The following DAGLB variants were observed in gnomAD, a reference collection of about 807,000 sequenced individuals.
The protein encoded by DAGLB is diacylglycerol lipase-beta.
DAGLB carries 66 observed loss-of-function variants against 72.1 expected under a neutral mutation model. That is an observed-to-expected ratio of 0.92 (90% confidence interval 0.75 to 1.12). The LOEUF is 1.12. Ranked by LOEUF, DAGLB falls within the 50% of genes most tolerant of loss-of-function variation. The pLI, the probability that DAGLB is intolerant of heterozygous loss-of-function variation, is 0.00. For synonymous variants in DAGLB, 414 were observed against 359.5 expected, an observed-to-expected ratio of 1.15 and a Z score of -1.71; for missense variants, 1,065 against 884.9, an observed-to-expected ratio of 1.20 and a Z score of -2.58.
intron 9 of DAGLB, among the ~76,000 whole-genome samples, chr7:6,420,935 G>A (rs182892673): frequency 2.6e-5 from 4 of 152,326 alleles, no homozygotes; most frequent in Non-Finnish European, 5.9e-5. Context: ...CCTGCCTCCT[G>A]AGACCCTGGT....
Position 6,436,469 on chromosome 7 carries a change from C to A in DAGLB, c.312G>T (p.Leu104=). The change falls in exon 3 of 15, where the codon CTG becomes CTT. Residue 104 remains leucine (L), a synonymous_variant. Coordinates refer to ENST00000297056, the MANE Select transcript of DAGLB (RefSeq NM_139179.4). The stretch of plus-strand genomic sequence containing the variant: ...AGGCCCAGACCATCTCTGGAAAAAA[C>A]AGCGCCAGGCGGATGTAAAGCAGCT... ...MSKLLYIRLA[L]FFPEMVWASL... The A allele has an allele frequency of 6.2e-7, 1 of 1,614,164 alleles. No individual in the cohort carries two copies. Among genetic ancestry groups the A allele is most frequent in the African/African-American group, 1.3e-5 (1 of 75,062 alleles).
chr7:6,427,961 A>G (rs779798240), intron 6 of DAGLB, among the ~76,000 whole-genome samples: 1 of 152,216 alleles, frequency 6.6e-6, no homozygotes, highest in Non-Finnish European at 1.5e-5. Context: ...TTAAGAATCT[A>G]TAAATCCATA....
At chr7:6,427,103 G>A (rs1459274860) in intron 6 of DAGLB, among the ~76,000 whole-genome samples, 2 of 151,986 alleles carry the variant, frequency 1.3e-5, no homozygotes, top group Non-Finnish European at 2.9e-5. Context: ...GTGAGACTCC[G>A]TCTCAAAAAA....
chr7:6,419,940 C>T (rs1002984318), intron 9 of DAGLB, among the ~76,000 whole-genome samples: 1 of 152,116 alleles, frequency 6.6e-6, no homozygotes. Context: ...CCAGGAGATT[C>T]AAGACCAGTC....
At chr7:6,430,250 C>CATATATATATATATATATATATATAT (rs57374634) in intron 6 of DAGLB, among the ~76,000 whole-genome samples, 52 of 45,742 alleles carry the variant, frequency 1.1e-3, no homozygotes, top group East Asian at 2.4e-3. Context: ...AATACATGTG[C>CATATATATATATATATATATATATAT]ATATATATAT....
intron 6 of DAGLB, 58 bp downstream of exon 6, chr7:6,430,422 A>G (rs1784449639): frequency 1.4e-6 from 2 of 1,416,118 alleles, no homozygotes; most frequent in South Asian, 3.6e-5. Context: ...AATATCTCAA[A>G]ATAGCTTTTT....
At chr7:6,438,566 G>C (rs1204914520) in intron 2 of DAGLB, among the ~76,000 whole-genome samples, 1 of 151,866 alleles carries the variant, frequency 6.6e-6, no homozygotes, top group East Asian at 1.9e-4. Flanking sequence ...ACAGGAAACA[G>C]TATCTGCATA....
At chr7:6,447,114 C>G (rs557581718) in intron 1 of DAGLB, among the ~76,000 whole-genome samples, 1 of 152,210 alleles carries the variant, frequency 6.6e-6, no homozygotes, top group African/African-American at 2.4e-5. Context: ...GCTGAGATAA[C>G]AGGCGTGAGC....
rs149161064 is a variant in DAGLB, at chr7:6,436,472, C to T, written c.309G>A (p.Ala103=). The T allele has an allele frequency of 6.4e-5, 104 of 1,613,970 alleles. No individual in the cohort carries two copies. Among genetic ancestry groups the T allele is most frequent in the Non-Finnish European group, 8.3e-5 (98 of 1,180,008 alleles). Reference sequence around the variant, plus strand: ...CCCAGACCATCTCTGGAAAAAACAGCGCCAGGCGGATGTAAAGCAGCTTAG... The same window carrying T: ...CCCAGACCATCTCTGGAAAAAACAGTGCCAGGCGGATGTAAAGCAGCTTAG... ...SMSKLLYIRL[A]LFFPEMVWAS... The change falls in exon 3 of 15, where the codon GCG becomes GCA. Residue 103 remains alanine (A), a synonymous_variant. Transcript: ENST00000297056.
Position 6,426,074 on chromosome 7 carries a change from C to A in DAGLB, c.970G>T (p.Asp324Tyr), listed in dbSNP as rs149102582. ...GAGCCGAAGTGACAGTTGAGCTGATCGCCTCCGACCAAGTCATAGTCTGTG... is the reference window on the plus strand; with the variant it reads ...GAGCCGAAGTGACAGTTGAGCTGATAGCCTCCGACCAAGTCATAGTCTGTG... ...RTTDYDLVGG[D>Y]QLNCHFGSIL... is the part of the protein sequence containing the mutation. Residue 324 changes from aspartate (D) to tyrosine (Y), a missense_variant, in exon 7 of 15, where the codon GAT becomes TAT. Coordinates refer to ENST00000297056, the MANE Select transcript of DAGLB (RefSeq NM_139179.4). 95 of 1,613,816 alleles carry A rather than the reference C, an allele frequency of 5.9e-5. No individual in the cohort carries two copies. The highest frequency in any genetic ancestry group is 7.4e-5 in the Non-Finnish European group (87 of 1,179,984).
At chr7:6,440,538 G>C (rs535191942) in intron 2 of DAGLB, among the ~76,000 whole-genome samples, 1 of 152,114 alleles carries the variant, frequency 6.6e-6, no homozygotes, top group South Asian at 2.1e-4. Context: ...AGCTAAAGAA[G>C]CATTCTTTCA....
intron 11 of DAGLB, 113 bp from the exon 12 acceptor site, chr7:6,413,147 T>C: frequency 9.1e-7 from 1 of 1,103,334 alleles, no homozygotes; most frequent in South Asian, 1.5e-5. Flanking sequence ...CTCAGCTCTG[T>C]TCTCTCTTCT....
chr7:6,445,291 G>A (rs1314615522), intron 2 of DAGLB, among the ~76,000 whole-genome samples: 1 of 152,186 alleles, frequency 6.6e-6, no homozygotes, highest in Non-Finnish European at 1.5e-5. Flanking sequence ...CTCTTATTCA[G>A]CCATCAAAAT....
intron 9 of DAGLB, among the ~76,000 whole-genome samples, chr7:6,418,792 C>G (rs1024726613): frequency 5.3e-5 from 8 of 151,882 alleles, no homozygotes; most frequent in Non-Finnish European, 5.9e-5. Flanking sequence ...AGCCTCCTGA[C>G]TAGCTGGGAC....
chr7:6,416,878 TTGA>T lies in DAGLB; in HGVS notation c.1259_1261del (p.Ile420del). 1 of 1,614,252 alleles carries T rather than the reference TTGA, an allele frequency of 6.2e-7. No homozygotes were observed. The highest frequency in any genetic ancestry group is 8.5e-7 in the Non-Finnish European group (1 of 1,180,046). ...GAAGGCTTGGCTCAAAATCCCGTCG[TTGA>T]TGAGTCGTTGGTAAACGTATCTGGC... is the stretch of plus-strand genomic sequence containing the variant. On this transcript the variant is annotated inframe_deletion, in exon 10 of 15. Transcript: ENST00000297056.
intron 13 of DAGLB, chr7:6,412,485 A>C: frequency 3.6e-6 from 1 of 275,626 alleles, no homozygotes; most frequent in Non-Finnish European, 6.9e-6. Context: ...TTTAGAATAG[A>C]GACAGGGTCT....
chr7:6,411,567 G>GCTC (rs1010010247), intron 13 of DAGLB, among the ~76,000 whole-genome samples: 25 of 152,306 alleles, frequency 1.6e-4, no homozygotes, highest in African/African-American at 5.8e-4. Flanking sequence ...GCTGCAATGT[G>GCTC]CCGAGACTGC....
intron 3 of DAGLB, 119 bp downstream of exon 3, chr7:6,436,243 T>C (rs1562487500): frequency 7.7e-7 from 1 of 1,303,036 alleles, no homozygotes; most frequent in East Asian, 2.4e-5. Flanking sequence ...AGAAACTAAC[T>C]CCAATTTCTA....
At chr7:6,443,100 G>A (rs1171958427) in intron 2 of DAGLB, among the ~76,000 whole-genome samples, 4 of 149,504 alleles carry the variant, frequency 2.7e-5, no homozygotes, top group Non-Finnish European at 4.4e-5. Context: ...GGAGAATGGC[G>A]TGAACCCGGG....
Sources: allele counts gnomAD v4.1 joint callset (sites outside exome capture counted in the v4.1 genomes callset), GRCh38; gene constraint gnomAD v4.1.1; transcripts MANE v1.5; gene names NCBI Gene and HGNC (gene_info 2026-07-23, HGNC 2026-07-21).